The following PISD variants were observed in gnomAD, a reference collection of about 807,000 sequenced individuals.
PISD encodes the protein phosphatidylserine decarboxylase, also known as phosphatidylserine decarboxylase proenzyme, mitochondrial.
In PISD, 31 loss-of-function variants were observed where a neutral mutation model predicts 43.5. The observed-to-expected ratio is 0.71, with a 90% CI of 0.54 to 0.96. The LOEUF is 0.96. Ranked by LOEUF, PISD falls within the 40% of genes least tolerant of loss-of-function variation. PISD has a pLI of 0.00. For missense variants in PISD, 523 were observed against 548.4 expected, an observed-to-expected ratio of 0.95 and a Z score of 0.46; for synonymous variants, 259 against 228.7, an observed-to-expected ratio of 1.13 and a Z score of -1.20.
At chr22:31,652,533 A>C (rs2074055986) in intron 1 of PISD, among the ~76,000 whole-genome samples, 1 of 151,512 alleles carries the variant, frequency 6.6e-6, no homozygotes, top group African/African-American at 2.4e-5. Flanking sequence ...GGCTGAGCAC[A>C]TGATGGCTCA....
Position 31,637,367 on chromosome 22 carries a change from G to T in PISD, c.321+10734C>A, listed in dbSNP as rs185642357. Among the ~76,000 whole-genome samples the T allele has an allele frequency of 9.3e-5, 14 of 150,374 alleles. No individual in the cohort carries two copies. The East Asian group carries it at 2.6e-3, about 27-fold the overall frequency. On this transcript the variant is annotated intron_variant, in intron 3 of 7. Coordinates refer to ENST00000439502, the MANE Select transcript of PISD (RefSeq NM_001326411.2). Reference sequence around the variant, plus strand: ...AACAGAGCAAGACTCTCTCAAAAAAGAAAAAGTTGTGTTTTTTGTTTGTTT... The same window carrying T: ...AACAGAGCAAGACTCTCTCAAAAAATAAAAAGTTGTGTTTTTTGTTTGTTT...
intron 3 of PISD, among the ~76,000 whole-genome samples, chr22:31,641,958 A>G (rs144790103): frequency 6.6e-6 from 1 of 151,440 alleles, no homozygotes; most frequent in East Asian, 1.9e-4. Context: ...AGCCAAATGC[A>G]TGCCACAAAC....
chr22:31,661,752 A>G (rs1272399325), intron 1 of PISD, among the ~76,000 whole-genome samples: 1 of 152,086 alleles, frequency 6.6e-6, no homozygotes, highest in Non-Finnish European at 1.5e-5. Context: ...TCCAGAAATG[A>G]AAGTTGCCTG....
chr22:31,624,712 G>GACACAC (rs55946723), intron 3 of PISD, among the ~76,000 whole-genome samples: 2,178 of 111,910 alleles, frequency 0.019, 30 homozygotes, highest in East Asian at 0.038. Context: ...AGCAAAGGTG[G>GACACAC]ACACACACAC....
intron 3 of PISD, among the ~76,000 whole-genome samples, chr22:31,636,054 C>T (rs9621299): frequency 1.4e-4 from 22 of 152,304 alleles, no homozygotes; most frequent in Non-Finnish European, 2.5e-4. Context: ...GCATGTACAT[C>T]GCTCACCAAC....
chr22:31,645,667 C>G (rs62239168), intron 3 of PISD, among the ~76,000 whole-genome samples: 6,541 of 148,140 alleles, frequency 0.044, 128 homozygotes, highest in Non-Finnish European at 0.049. Flanking sequence ...CATGAGCCAC[C>G]GCGCCCGGCC....
chr22:31,632,341 G>T, intron 3 of PISD: 1 of 601,146 alleles, frequency 1.7e-6, no homozygotes, highest in Non-Finnish European at 2.1e-6. Flanking sequence ...AAGGCACAGT[G>T]CCACCCCTAA....
rs1569479489 is a variant in PISD at position 31,619,710 on chromosome 22, A to G, written c.1132T>C (p.Ser378Pro). 1 of 1,614,204 alleles carries G rather than the reference A, an allele frequency of 6.2e-7. No individual in the cohort carries two copies. The highest frequency in any genetic ancestry group is 1.7e-5 in the Admixed American group (1 of 60,030). ...GEHLGEFNLG[S>P]TIVLIFEAPK... Reference sequence around the variant, plus strand: ...GCCTCGAAGATGAGCACGATGGTGGAGCCCAGGTTGAACTCGCCCAGGTGC... The same window carrying G: ...GCCTCGAAGATGAGCACGATGGTGGGGCCCAGGTTGAACTCGCCCAGGTGC... The change falls in exon 8 of 8, where the codon TCC becomes CCC. Residue 378 changes from serine to proline, a missense_variant. Transcript: ENST00000439502.
intron 3 of PISD, chr22:31,638,740 G>T: frequency 2.6e-6 from 1 of 387,844 alleles, no homozygotes; most frequent in Non-Finnish European, 3.5e-6. Flanking sequence ...TCCTGCCTCA[G>T]CCTCTCAGGC....
intron 1 of PISD, among the ~76,000 whole-genome samples, 162 bp from the exon 2 acceptor site, chr22:31,650,940 A>G (rs1387078851): frequency 6.6e-6 from 1 of 152,172 alleles, no homozygotes; most frequent in Non-Finnish European, 1.5e-5. Context: ...TAGGGGAAGG[A>G]CTGAAATATT....
intron 1 of PISD, among the ~76,000 whole-genome samples, chr22:31,659,324 G>C (rs1011353612): frequency 6.6e-6 from 1 of 152,138 alleles, no homozygotes; most frequent in African/African-American, 2.4e-5. Flanking sequence ...GTTCCTTGAA[G>C]ACAAGGCCTA....
intron 3 of PISD, among the ~76,000 whole-genome samples, chr22:31,645,207 T>A (rs112309594): frequency 0.015 from 2,305 of 152,186 alleles, 49 homozygotes; most frequent in African/African-American, 0.045. Context: ...GTAGAAGGTA[T>A]ATCTAAAACA....
intron 6 of PISD, 101 bp downstream of exon 6, chr22:31,620,895 A>T: frequency 7.0e-7 from 1 of 1,437,348 alleles, no homozygotes; most frequent in Non-Finnish European, 9.3e-7. Flanking sequence ...TCCTGGCCTC[A>T]ATGACCCTGA....
chr22:31,656,546 C>T (rs1313621118), intron 1 of PISD, among the ~76,000 whole-genome samples: 2 of 150,290 alleles, frequency 1.3e-5, no homozygotes, highest in South Asian at 2.1e-4. Flanking sequence ...CTACTCAGGA[C>T]GCTGAGGCAG....
At chr22:31,636,456 G>A (rs62237852) in intron 3 of PISD, among the ~76,000 whole-genome samples, 6,770 of 152,140 alleles carry the variant, frequency 0.044, 132 homozygotes, top group African/African-American at 0.05. Flanking sequence ...ACCACCTTCC[G>A]GGTTCAAGCG....
chr22:31,662,280 C>A, upstream of PISD: 1 of 1,461,522 alleles, frequency 6.8e-7, no homozygotes, highest in African/African-American at 1.4e-5. Flanking sequence ...TCACGAGTCT[C>A]GAGTTCAGTG....
chr22:31,659,633 C>A (rs1027833146), intron 1 of PISD, among the ~76,000 whole-genome samples: 1 of 151,940 alleles, frequency 6.6e-6, no homozygotes, highest in Non-Finnish European at 1.5e-5. Flanking sequence ...GCTCTGTTGC[C>A]GAAGCTGGAG....
chr22:31,654,526 C>A (rs770155618), intron 1 of PISD, among the ~76,000 whole-genome samples: 1 of 152,192 alleles, frequency 6.6e-6, no homozygotes, highest in Admixed American at 6.6e-5. Flanking sequence ...CCCTCTCTAA[C>A]TCACCTTCAA....
Position 31,630,827 on chromosome 22 carries a change from G to A in PISD, c.322-8942C>T, listed in dbSNP as rs1407042283. 1 of 985,506 alleles carries A rather than the reference G, an allele frequency of 1.0e-6. No individual in the cohort carries two copies. The highest frequency in any genetic ancestry group is 4.7e-5 in the South Asian group (1 of 21,288). The allele number at this position is 985,506 out of a possible 1,614,324, so 61.0% of individuals were successfully genotyped here. On this transcript the variant is annotated intron_variant, in intron 3 of 7. Transcript: ENST00000439502. The surrounding 1 kb of genome is among the most constrained non-coding windows in gnomAD (Gnocchi z 4.4). ...ACCCGCAGGTGGCTCCAGCTTCCGG[G>A]CTCCGACTCCCTAGGGGCGCTCCCG...
Sources: gnomAD v4.1 joint callset for allele counts (sites outside exome capture counted in the v4.1 genomes callset) on GRCh38, gnomAD v4.1.1 for gene constraint, Gnocchi (gnomAD v3.1) non-coding constraint, MANE v1.5 for transcripts, NCBI Gene and HGNC (gene_info 2026-07-23, HGNC 2026-07-21) for gene names.